Variants in CNTN3 observed in about 807,000 individuals in gnomAD.
CNTN3 encodes the protein contactin-3.
CNTN3 carries 60 observed loss-of-function variants against 119.1 expected under a neutral mutation model. That is an observed-to-expected ratio of 0.50 (90% CI 0.41 to 0.62). The LOEUF (loss-of-function observed/expected upper bound fraction) is 0.62. Ranked by LOEUF, CNTN3 falls within the 20% of genes least tolerant of loss-of-function variation. The pLI is 0.00. For missense variants in CNTN3, 1,101 were observed against 1,242.4 expected (o/e 0.89, Z 1.71); for synonymous variants, 450 against 438.7 (o/e 1.03, Z -0.32).
chr3:74,420,983 C>T (rs2106889697), intron 5 of CNTN3, among the ~76,000 whole-genome samples: 1 of 152,244 alleles, frequency 6.6e-6, no homozygotes, highest in African/African-American at 2.4e-5. Context: ...GTTAAGAGCC[C>T]ACGCTCTTAG....
chr3:74,309,565 A>G (rs1023977923), intron 13 of CNTN3, among the ~76,000 whole-genome samples: 1 of 152,228 alleles, frequency 6.6e-6, no homozygotes, highest in African/African-American at 2.4e-5. Flanking sequence ...AGAAAATACC[A>G]GAAACACCTA....
At chr3:74,369,598 C>A (rs1330319787) in intron 7 of CNTN3, among the ~76,000 whole-genome samples, 2 of 151,122 alleles carry the variant, frequency 1.3e-5, no homozygotes, top group Non-Finnish European at 2.9e-5. Flanking sequence ...GAGAAAAAAG[C>A]CTAATACAGA....
chr3:74,602,392 T>C (rs1704926047), intron 1 of CNTN3, among the ~76,000 whole-genome samples: 1 of 151,076 alleles, frequency 6.6e-6, no homozygotes, highest in Non-Finnish European at 1.5e-5. Context: ...TATAAACATA[T>C]GTTATTTTAG....
chr3:74,479,346 A>G (rs775441091), intron 4 of CNTN3, among the ~76,000 whole-genome samples: 5 of 152,178 alleles, frequency 3.3e-5, no homozygotes, highest in Admixed American at 6.5e-5. Context: ...ATAATAGAAA[A>G]CTAGGGGCAA....
intron 5 of CNTN3, among the ~76,000 whole-genome samples, chr3:74,413,601 CAGG>C (rs1307496723): frequency 6.6e-6 from 1 of 152,070 alleles, no homozygotes; most frequent in Non-Finnish European, 1.5e-5. Context: ...TAGCTGTTAC[CAGG>C]AAAATAATTG....
At chr3:74,409,403 CT>C (rs1408557459) in intron 5 of CNTN3, among the ~76,000 whole-genome samples, 1 of 152,102 alleles carries the variant, frequency 6.6e-6, no homozygotes, top group Non-Finnish European at 1.5e-5. Flanking sequence ...ATATAAAATT[CT>C]TTTACTTTTG....
At chr3:74,352,211 T>C (rs574031218) in intron 11 of CNTN3, among the ~76,000 whole-genome samples, 1 of 152,362 alleles carries the variant, frequency 6.6e-6, no homozygotes, top group African/African-American at 2.4e-5. Flanking sequence ...TAATCCTTTC[T>C]GTTTAGACAG....
intron 5 of CNTN3, among the ~76,000 whole-genome samples, chr3:74,383,071 AT>A (rs1427857220): frequency 6.6e-6 from 1 of 152,182 alleles, no homozygotes; most frequent in African/African-American, 2.4e-5. Context: ...CTCTTTCACA[AT>A]TTCCACTACT....
chr3:74,275,742 G>A (rs773404784), intron 20 of CNTN3, among the ~76,000 whole-genome samples: 2 of 151,708 alleles, frequency 1.3e-5, no homozygotes, highest in Non-Finnish European at 2.9e-5. Flanking sequence ...CAAAAACCAA[G>A]GTACACAGGC....
intron 13 of CNTN3, among the ~76,000 whole-genome samples, chr3:74,332,136 C>T (rs1259434879): frequency 6.6e-6 from 1 of 152,192 alleles, no homozygotes; most frequent in African/African-American, 2.4e-5. Context: ...TCACATTTTG[C>T]TGCTTTTGGA....
intron 13 of CNTN3, among the ~76,000 whole-genome samples, chr3:74,331,606 A>C (rs1032856200): frequency 6.6e-6 from 1 of 152,190 alleles, no homozygotes; most frequent in Non-Finnish European, 1.5e-5. Context: ...TGTGTATCTG[A>C]ATACAAATCC....
At chr3:74,465,900 C>A (rs779925107) in intron 4 of CNTN3, among the ~76,000 whole-genome samples, 5 of 152,110 alleles carry the variant, frequency 3.3e-5, no homozygotes, top group Non-Finnish European at 7.4e-5. Context: ...GAGGCTGCCC[C>A]AGAATGAGGC....
At chr3:74,295,439 G>T (rs529028492) in intron 18 of CNTN3, among the ~76,000 whole-genome samples, 1 of 152,138 alleles carries the variant, frequency 6.6e-6, no homozygotes, top group African/African-American at 2.4e-5. Context: ...GCTTTTCTTT[G>T]CTAAACAGCT....
At chr3:74,332,401 G>T (rs1189802789) in intron 13 of CNTN3, among the ~76,000 whole-genome samples, 1 of 152,186 alleles carries the variant, frequency 6.6e-6, no homozygotes, top group African/African-American at 2.4e-5. Context: ...GAACTAGCAT[G>T]GTAGAGAAAG....
chr3:74,587,735 T>G (rs192451665), intron 1 of CNTN3, among the ~76,000 whole-genome samples: 1 of 152,324 alleles, frequency 6.6e-6, no homozygotes, highest in African/African-American at 2.4e-5. Context: ...TCATGTCATC[T>G]GCAAACAGGG....
At chr3:74,578,511 T>C (rs887215416) in intron 1 of CNTN3, among the ~76,000 whole-genome samples, 2 of 152,044 alleles carry the variant, frequency 1.3e-5, no homozygotes, top group Admixed American at 1.3e-4. Flanking sequence ...CAAGTCCATT[T>C]TGCAAGTTCA....
chr3:74,387,877 G>A (rs1475637665), intron 5 of CNTN3, among the ~76,000 whole-genome samples: 5 of 152,124 alleles, frequency 3.3e-5, no homozygotes, highest in South Asian at 2.1e-4. Flanking sequence ...GCTTAATGAC[G>A]ACATACAACA....
intron 5 of CNTN3, among the ~76,000 whole-genome samples, chr3:74,378,995 C>G (rs1340809505): frequency 6.6e-6 from 1 of 152,136 alleles, no homozygotes; most frequent in Non-Finnish European, 1.5e-5. Flanking sequence ...TGAGCTATTT[C>G]TACTAGGTAA....
At chr3:74,507,299 T>C (rs370269898) in intron 2 of CNTN3, among the ~76,000 whole-genome samples, 5 of 151,766 alleles carry the variant, frequency 3.3e-5, no homozygotes, top group Admixed American at 2.0e-4. Flanking sequence ...ATGCCTATAG[T>C]CCCAGTTACT....
Sources: allele counts gnomAD v4.1 joint callset (sites outside exome capture counted in the v4.1 genomes callset), GRCh38; gene constraint gnomAD v4.1.1; transcripts MANE v1.5; gene names NCBI Gene and HGNC (gene_info 2026-07-23, HGNC 2026-07-21).